LRRTM3: variants seen among roughly 807,000 people sequenced by gnomAD.
The protein encoded by LRRTM3 is leucine rich repeat transmembrane neuronal 3, also known as leucine-rich repeat transmembrane neuronal protein 3.
A neutral mutation model predicts 44.7 loss-of-function variants in LRRTM3; 24 were observed. That is an observed-to-expected ratio of 0.54 (90% CI 0.39 to 0.76). The LOEUF (loss-of-function observed/expected upper bound fraction) is 0.76, where lower values mean the gene tolerates loss of function less well. Ranked by LOEUF, LRRTM3 falls within the 30% of genes least tolerant of loss-of-function variation. The probability of loss-of-function intolerance (pLI) is 0.00; values close to 1 mark genes in which losing one functional copy is unlikely to be tolerated. For synonymous variants in LRRTM3, 277 were observed against 278.7 expected, an observed-to-expected ratio of 0.99 and a Z score of 0.06; for missense variants, 587 against 702.2, an observed-to-expected ratio of 0.84 and a Z score of 1.85.
chr10:67,059,061 A>G (rs559009833), intron 2 of LRRTM3, among the ~76,000 whole-genome samples: 2 of 152,328 alleles, frequency 1.3e-5, no homozygotes, highest in East Asian at 3.9e-4. Context: ...GGATTGATAA[A>G]TATCTGCACA....
At chr10:66,991,552 T>A (rs1304931329) in intron 2 of LRRTM3, among the ~76,000 whole-genome samples, 1 of 152,106 alleles carries the variant, frequency 6.6e-6, no homozygotes, top group Non-Finnish European at 1.5e-5. Flanking sequence ...ACAAATTTAT[T>A]TATTTATTTA....
intron 2 of LRRTM3, among the ~76,000 whole-genome samples, chr10:66,988,110 T>C (rs989782069): frequency 1.1e-4 from 17 of 152,164 alleles, no homozygotes; most frequent in African/African-American, 4.1e-4. Flanking sequence ...ACACAGGCTT[T>C]GAAGACAGAA....
chr10:66,954,750 C>T (rs560250855), intron 2 of LRRTM3, among the ~76,000 whole-genome samples: 61 of 152,198 alleles, frequency 4.0e-4, no homozygotes, highest in African/African-American at 1.3e-3. Flanking sequence ...CCTTCCTTGG[C>T]GGAATCGACT....
chr10:66,938,396 A>C (rs1284916767), intron 2 of LRRTM3, among the ~76,000 whole-genome samples: 1 of 152,176 alleles, frequency 6.6e-6, no homozygotes, highest in African/African-American at 2.4e-5. Context: ...CCCATATTTT[A>C]TATATGTATC....
intron 2 of LRRTM3, among the ~76,000 whole-genome samples, chr10:66,977,056 C>G (rs1013924009): frequency 6.6e-6 from 1 of 152,014 alleles, no homozygotes; most frequent in Non-Finnish European, 1.5e-5. Flanking sequence ...GTTCCATTGT[C>G]TAAAATAATG....
At chr10:67,063,338 C>T (rs757066609) in intron 2 of LRRTM3, among the ~76,000 whole-genome samples, 4 of 152,066 alleles carry the variant, frequency 2.6e-5, no homozygotes, top group African/African-American at 7.2e-5. Context: ...TGAGATAGGA[C>T]AAAACTGAGA....
At chr10:67,031,370 T>A (rs1422187742) in intron 2 of LRRTM3, among the ~76,000 whole-genome samples, 1 of 152,188 alleles carries the variant, frequency 6.6e-6, no homozygotes, top group Non-Finnish European at 1.5e-5. Context: ...CAGTGTCAGA[T>A]CTAAGAATAT....
chr10:67,075,170 G>GCA lies in LRRTM3; in HGVS notation c.1537-22399_1537-22398dup, dbSNP rs57260841. Among the ~76,000 whole-genome samples the GCA allele has an allele frequency of 1.3e-3, 190 of 149,746 alleles. 2 individuals carry two copies. The highest frequency in any genetic ancestry group is 3.5e-3 in the Middle Eastern group (1 of 286). On this transcript the variant is annotated intron_variant, in intron 2 of 2. Coordinates refer to ENST00000361320, the MANE Select transcript of LRRTM3 (RefSeq NM_178011.5). ...TTTTGTGTTGCTTCTAAGGATTTCTGCACACACACACACACACACTCACAC... is the reference window on the plus strand; with the variant it reads ...TTTTGTGTTGCTTCTAAGGATTTCTGCACACACACACACACACACACTCACAC...
At chr10:67,061,561 A>T (rs528425291) in intron 2 of LRRTM3, among the ~76,000 whole-genome samples, 11 of 152,286 alleles carry the variant, frequency 7.2e-5, no homozygotes, top group Admixed American at 4.6e-4. Context: ...CATATCAAAA[A>T]ATGAATATAA....
At chr10:67,038,618 T>G (rs1468180968) in intron 2 of LRRTM3, among the ~76,000 whole-genome samples, 1 of 152,088 alleles carries the variant, frequency 6.6e-6, no homozygotes, top group South Asian at 2.1e-4. Context: ...GCTAGTATAT[T>G]TTTGTTATCT....
At chr10:67,067,079 T>G (rs2131835660) in intron 2 of LRRTM3, among the ~76,000 whole-genome samples, 1 of 152,296 alleles carries the variant, frequency 6.6e-6, no homozygotes, top group East Asian at 1.9e-4. Flanking sequence ...TTTGAGTATA[T>G]TTGTGTGATC....
At chr10:67,069,055 A>AT (rs1039238219) in intron 2 of LRRTM3, among the ~76,000 whole-genome samples, 15 of 131,788 alleles carry the variant, frequency 1.1e-4, no homozygotes, top group South Asian at 2.3e-4. Flanking sequence ...CAGGAAAAAA[A>AT]ATATATATAT....
At chr10:66,955,493 C>T (rs1408399232) in intron 2 of LRRTM3, among the ~76,000 whole-genome samples, 2 of 152,036 alleles carry the variant, frequency 1.3e-5, no homozygotes, top group Non-Finnish European at 2.9e-5. Flanking sequence ...TCTAAGAAGT[C>T]GAGGGAGACA....
At chr10:66,940,268 G>A (rs1001147029) in intron 2 of LRRTM3, among the ~76,000 whole-genome samples, 1 of 152,104 alleles carries the variant, frequency 6.6e-6, no homozygotes, top group African/African-American at 2.4e-5. Flanking sequence ...GGGAGGCCGA[G>A]GCAAGGAGGA....
intron 2 of LRRTM3, among the ~76,000 whole-genome samples, chr10:67,047,195 T>G (rs1471617864): frequency 1.3e-5 from 2 of 152,176 alleles, no homozygotes; most frequent in African/African-American, 4.8e-5. Context: ...TGAAATTGTT[T>G]TAACATTTTT....
At chr10:66,942,539 T>C (rs1265653444) in intron 2 of LRRTM3, among the ~76,000 whole-genome samples, 1 of 149,682 alleles carries the variant, frequency 6.7e-6, no homozygotes, top group Non-Finnish European at 1.5e-5. Flanking sequence ...TTTAAAACAT[T>C]GCCATAATGT....
intron 2 of LRRTM3, among the ~76,000 whole-genome samples, chr10:66,966,643 G>A (rs899918487): frequency 1.3e-5 from 2 of 152,034 alleles, no homozygotes; most frequent in African/African-American, 4.8e-5. Flanking sequence ...GGGGGAAGCA[G>A]TGGCTACATT....
chr10:66,938,650 T>C (rs1196820351), intron 2 of LRRTM3, among the ~76,000 whole-genome samples: 1 of 152,100 alleles, frequency 6.6e-6, no homozygotes, highest in Non-Finnish European at 1.5e-5. Flanking sequence ...CTCAAACCCA[T>C]ATTGTCCAAA....
chr10:67,003,264 C>T (rs552131775), intron 2 of LRRTM3, among the ~76,000 whole-genome samples: 2 of 152,282 alleles, frequency 1.3e-5, no homozygotes, highest in African/African-American at 4.8e-5. Context: ...TCCATGACTT[C>T]CTGACCATTT....
Sources: allele counts gnomAD v4.1 joint callset (sites outside exome capture counted in the v4.1 genomes callset), GRCh38; gene constraint gnomAD v4.1.1; transcripts MANE v1.5; gene names NCBI Gene and HGNC (gene_info 2026-07-23, HGNC 2026-07-21).